Variants in SPOCK1 observed in about 807,000 individuals in gnomAD.
SPOCK1 encodes SPARC (osteonectin), cwcv and kazal like domains proteoglycan 1.
A neutral mutation model predicts 55.3 loss-of-function variants in SPOCK1; 23 were observed. The ratio of observed to expected loss-of-function variants is 0.42; its 90% CI spans 0.30 to 0.59. The LOEUF (loss-of-function observed/expected upper bound fraction) is 0.59. Among genes scored for constraint, SPOCK1 ranks in the 20% least tolerant of loss-of-function variants. SPOCK1 has a pLI of 0.22. For synonymous variants in SPOCK1, 226 were observed against 221.0 expected (o/e 1.02, Z -0.20); for missense variants, 499 against 552.5 (o/e 0.90, Z 0.97).
intron 3 of SPOCK1, among the ~76,000 whole-genome samples, chr5:137,169,455 T>C (rs1754706591): frequency 6.6e-6 from 1 of 152,072 alleles, no homozygotes; most frequent in South Asian, 2.1e-4. Flanking sequence ...CAAATATATA[T>C]ACCTACTACA....
intron 2 of SPOCK1, among the ~76,000 whole-genome samples, chr5:137,385,870 T>C (rs1469248779): frequency 6.6e-6 from 1 of 152,232 alleles, no homozygotes. Flanking sequence ...GGCCAGATAG[T>C]AAATATTTTA....
chr5:137,002,907 T>A (rs1228493528), intron 6 of SPOCK1, among the ~76,000 whole-genome samples: 3 of 152,168 alleles, frequency 2.0e-5, no homozygotes, highest in Non-Finnish European at 4.4e-5. Flanking sequence ...CTTTTGTTAA[T>A]GTATGAGCTC....
chr5:137,448,588 A>C (rs1753180058), intron 2 of SPOCK1, among the ~76,000 whole-genome samples: 1 of 152,228 alleles, frequency 6.6e-6, no homozygotes, highest in Non-Finnish European at 1.5e-5. Flanking sequence ...ATTCAAATAC[A>C]GGTAAGAATG....
At chr5:137,446,260 C>T (rs1357690159) in intron 2 of SPOCK1, among the ~76,000 whole-genome samples, 1 of 152,152 alleles carries the variant, frequency 6.6e-6, no homozygotes, top group African/African-American at 2.4e-5. Context: ...TCCTGCTGTA[C>T]CTTGTAAAAA....
At chr5:136,989,937 G>GTCTC (rs1554091400) in intron 7 of SPOCK1, among the ~76,000 whole-genome samples, 2 of 151,860 alleles carry the variant, frequency 1.3e-5, no homozygotes, top group African/African-American at 2.4e-5. Flanking sequence ...TTGAGACAGA[G>GTCTC]TCTCACCCTG....
chr5:137,404,882 C>T (rs1752064613), intron 2 of SPOCK1, among the ~76,000 whole-genome samples: 1 of 152,172 alleles, frequency 6.6e-6, no homozygotes, highest in Non-Finnish European at 1.5e-5. Context: ...CAGCACCACC[C>T]ACAAAGTTAC....
intron 6 of SPOCK1, among the ~76,000 whole-genome samples, chr5:137,008,185 T>C (rs1401226511): frequency 6.6e-6 from 1 of 151,948 alleles, no homozygotes; most frequent in African/African-American, 2.4e-5. Context: ...AAATACCTAA[T>C]GTAGACGACA....
At chr5:137,353,791 C>T (rs1431364887) in intron 2 of SPOCK1, among the ~76,000 whole-genome samples, 3 of 152,134 alleles carry the variant, frequency 2.0e-5, no homozygotes, top group African/African-American at 4.8e-5. Flanking sequence ...AGGGGCAAGC[C>T]GAGGTGTCCC....
intron 5 of SPOCK1, among the ~76,000 whole-genome samples, chr5:137,075,582 C>T (rs866813859): frequency 9.2e-5 from 14 of 152,216 alleles, no homozygotes; most frequent in African/African-American, 3.4e-4. Context: ...TTAGCACACC[C>T]TTTTCTAGTG....
intron 2 of SPOCK1, among the ~76,000 whole-genome samples, chr5:137,331,866 C>T (rs1432987857): frequency 2.0e-5 from 3 of 152,130 alleles, no homozygotes; most frequent in Non-Finnish European, 4.4e-5. Context: ...CAACCTGCCG[C>T]AGCACATCCC....
At chr5:137,389,493 T>C (rs1751670091) in intron 2 of SPOCK1, among the ~76,000 whole-genome samples, 1 of 152,252 alleles carries the variant, frequency 6.6e-6, no homozygotes, top group South Asian at 2.1e-4. Flanking sequence ...ATTTGACACA[T>C]GGTCCCAACA....
chr5:137,071,069 C>T (rs1359041403), intron 5 of SPOCK1, among the ~76,000 whole-genome samples: 1 of 147,488 alleles, frequency 6.8e-6, no homozygotes, highest in Non-Finnish European at 1.5e-5. Context: ...GTCACCCTGG[C>T]TAGAGTGCAG....
chr5:137,178,816 A>G (rs1272098841), intron 3 of SPOCK1, among the ~76,000 whole-genome samples: 1 of 152,256 alleles, frequency 6.6e-6, no homozygotes, highest in Non-Finnish European at 1.5e-5. Flanking sequence ...AGTAGAAGGC[A>G]CATCCACAAG....
intron 2 of SPOCK1, among the ~76,000 whole-genome samples, chr5:137,425,006 C>A (rs1473142341): frequency 6.6e-6 from 1 of 152,202 alleles, no homozygotes; most frequent in Non-Finnish European, 1.5e-5. Flanking sequence ...AAAAAGCAGT[C>A]TTCCCTGTTA....
At chr5:137,377,194 G>A (rs368910257) in intron 2 of SPOCK1, among the ~76,000 whole-genome samples, 64 of 152,332 alleles carry the variant, frequency 4.2e-4, no homozygotes, top group African/African-American at 1.5e-3. Context: ...GAAGGTATGC[G>A]CTTCAAGCAC....
At chr5:137,248,368 T>C (rs941376731) in intron 3 of SPOCK1, among the ~76,000 whole-genome samples, 5 of 152,228 alleles carry the variant, frequency 3.3e-5, no homozygotes, top group Non-Finnish European at 7.3e-5. Flanking sequence ...AGCACCTTTC[T>C]GCACTTGGGT....
At chr5:137,227,663 A>C (rs1418232978) in intron 3 of SPOCK1, among the ~76,000 whole-genome samples, 49 of 152,230 alleles carry the variant, frequency 3.2e-4, no homozygotes, top group Admixed American at 3.1e-3. Context: ...GGAATAACCC[A>C]AACTCAATAA....
chr5:137,394,910 A>G (rs1197565063), intron 2 of SPOCK1, among the ~76,000 whole-genome samples: 1 of 152,154 alleles, frequency 6.6e-6, no homozygotes, highest in Admixed American at 6.5e-5. Flanking sequence ...TACTTTTTGG[A>G]TATGTACAAT....
At chr5:137,223,872 T>C (rs1010615356) in intron 3 of SPOCK1, among the ~76,000 whole-genome samples, 8 of 152,154 alleles carry the variant, frequency 5.3e-5, no homozygotes, top group African/African-American at 1.9e-4. Context: ...CAGTTCATAA[T>C]GTACAAAATA....
Sources: gnomAD v4.1 joint callset for allele counts (sites outside exome capture counted in the v4.1 genomes callset) on GRCh38, gnomAD v4.1.1 for gene constraint, MANE v1.5 for transcripts, NCBI Gene and HGNC (gene_info 2026-07-23, HGNC 2026-07-21) for gene names.